ASB5: variants seen among roughly 807,000 people sequenced by gnomAD.
The protein encoded by ASB5 is ankyrin repeat and SOCS box containing 5.
A neutral mutation model predicts 42.1 loss-of-function variants in ASB5; 45 were observed. The observed-to-expected ratio is 1.07, with a 90% CI of 0.84 to 1.37. ASB5 has a LOEUF of 1.37. Ranked by LOEUF, ASB5 falls within the 40% of genes most tolerant of loss-of-function variation. The probability of loss-of-function intolerance (pLI) is 0.00; values close to 1 mark genes in which losing one functional copy is unlikely to be tolerated. For missense variants in ASB5, 402 were observed against 399.8 expected, an observed-to-expected ratio of 1.01 and a Z score of -0.05; for synonymous variants, 147 against 150.6, an observed-to-expected ratio of 0.98 and a Z score of 0.18.
At chr4:176,224,171 T>C (rs192773837) in intron 2 of ASB5, among the ~76,000 whole-genome samples, 1 of 151,510 alleles carries the variant, frequency 6.6e-6, no homozygotes, top group East Asian at 1.9e-4. Context: ...TCTTTCTCCT[T>C]GAGACTGGGA....
At chr4:176,250,617 G>A (rs1403822000) in intron 1 of ASB5, among the ~76,000 whole-genome samples, 1 of 152,178 alleles carries the variant, frequency 6.6e-6, no homozygotes, top group Non-Finnish European at 1.5e-5. Context: ...AGAGAGGGGA[G>A]GTGGCATTCT....
rs77846639 is a variant in ASB5 at position 176,247,619 on chromosome 4, C to T, written c.196+21294G>A. On this transcript the variant is annotated intron_variant, in intron 1 of 6. Coordinates refer to ENST00000296525, the MANE Select transcript of ASB5 (RefSeq NM_080874.4). ...CAATACATGGTGTGAATATAATTGA[C>T]CATGCATTTGGTGAAAAATGGACTT... Among the ~76,000 whole-genome samples the T allele has an allele frequency of 1.1e-4, 16 of 152,214 alleles. No individual in the cohort carries two copies. In the East Asian group the frequency reaches 2.7e-3, roughly 26 times the overall value.
intron 1 of ASB5, chr4:176,249,689 A>G (rs1186698503): frequency 6.6e-6 from 1 of 152,160 alleles, no homozygotes; most frequent in East Asian, 1.9e-4. Flanking sequence ...ATGAGAAAAC[A>G]TGGAGTTAGA....
chr4:176,237,007 C>T (rs1355982317), intron 1 of ASB5, among the ~76,000 whole-genome samples: 3 of 152,154 alleles, frequency 2.0e-5, no homozygotes, highest in African/African-American at 7.2e-5. Context: ...AGCATCTTTC[C>T]TTGTTTCCAT....
chr4:176,237,332 G>A, intron 1 of ASB5: 1 of 985,882 alleles, frequency 1.0e-6, no homozygotes, highest in Non-Finnish European at 1.2e-6. Flanking sequence ...TTTTCGTTTA[G>A]AAGAACATTC....
At chr4:176,236,379 C>T (rs865811787) in intron 1 of ASB5, among the ~76,000 whole-genome samples, 17 of 152,148 alleles carry the variant, frequency 1.1e-4, no homozygotes, top group African/African-American at 3.9e-4. Flanking sequence ...GTCTAGCACG[C>T]AGTCAACACT....
intron 1 of ASB5, among the ~76,000 whole-genome samples, chr4:176,261,877 T>A (rs774700867): frequency 6.6e-6 from 1 of 151,786 alleles, no homozygotes; most frequent in Non-Finnish European, 1.5e-5. Flanking sequence ...TACATATATA[T>A]AATACAGAAA....
At chr4:176,222,085 T>TAA (rs1386853939) in intron 3 of ASB5, among the ~76,000 whole-genome samples, 2 of 152,168 alleles carry the variant, frequency 1.3e-5, no homozygotes, top group Non-Finnish European at 1.5e-5. Context: ...AAGCAGGAAA[T>TAA]AACCTACAGA....
upstream of ASB5, among the ~76,000 whole-genome samples, chr4:176,270,230 T>A (rs542217192): frequency 6.6e-6 from 1 of 152,204 alleles, no homozygotes; most frequent in Admixed American, 6.5e-5. Flanking sequence ...ATGACTGGGT[T>A]TGGGGCCTGT....
Position 176,226,847 on chromosome 4 carries a change from T to C in ASB5, c.197-1506A>G, listed in dbSNP as rs1398733278. On this transcript the variant is annotated intron_variant, in intron 1 of 6. Coordinates refer to ENST00000296525, the MANE Select transcript of ASB5 (RefSeq NM_080874.4). ...GCTCTGCGGTGTAGGGGCTGCAACA[T>C]GTTGCCATGGAGGGCAAGTAGCTGA... Among the ~76,000 whole-genome samples, 4 of 152,180 alleles carry C rather than the reference T, an allele frequency of 2.6e-5. 1 individual carries two copies. Among genetic ancestry groups the C allele is most frequent in the Non-Finnish European group, 5.9e-5 (4 of 68,040 alleles).
At chr4:176,249,125 C>G (rs1042473997) in intron 1 of ASB5, among the ~76,000 whole-genome samples, 1 of 152,124 alleles carries the variant, frequency 6.6e-6, no homozygotes, top group African/African-American at 2.4e-5. Context: ...GGCCACCACA[C>G]CCGACTAATT....
intron 1 of ASB5, among the ~76,000 whole-genome samples, chr4:176,250,075 A>G (rs1447724662): frequency 3.3e-5 from 5 of 151,912 alleles, no homozygotes; most frequent in Non-Finnish European, 7.4e-5. Context: ...AAAAAAAAAA[A>G]AAAAAAGAAA....
intron 2 of ASB5, among the ~76,000 whole-genome samples, chr4:176,224,673 AG>A (rs1286748152): frequency 6.6e-6 from 1 of 151,344 alleles, no homozygotes; most frequent in Admixed American, 6.6e-5. Context: ...GTGCCAGCCT[AG>A]CTGTGCATTT....
chr4:176,265,627 C>T (rs1754342366), intron 1 of ASB5, among the ~76,000 whole-genome samples: 1 of 152,182 alleles, frequency 6.6e-6, no homozygotes, highest in Non-Finnish European at 1.5e-5. Context: ...AAGAGAAGAG[C>T]TGCCTCTTGA....
upstream of ASB5, among the ~76,000 whole-genome samples, chr4:176,272,941 C>CT (rs60310080): frequency 0.21 from 23,065 of 110,878 alleles, 2,792 homozygotes; most frequent in East Asian, 0.24. Context: ...CTTCGATGAC[C>CT]TTTTTTTTTT....
intron 1 of ASB5, among the ~76,000 whole-genome samples, chr4:176,232,402 T>A (rs1285199539): frequency 6.6e-6 from 1 of 152,078 alleles, no homozygotes; most frequent in Non-Finnish European, 1.5e-5. Flanking sequence ...GGAATAGATG[T>A]GAGCCACCGA....
chr4:176,237,290 T>C (rs1444848902), intron 1 of ASB5: 1 of 985,744 alleles, frequency 1.0e-6, no homozygotes, highest in Non-Finnish European at 1.2e-6. Flanking sequence ...GCTGCTATAC[T>C]AACCTTGACT....
intron 5 of ASB5, among the ~76,000 whole-genome samples, 171 bp downstream of exon 5, chr4:176,220,984 T>C (rs1753187560): frequency 6.6e-6 from 1 of 152,212 alleles, no homozygotes; most frequent in South Asian, 2.1e-4. Flanking sequence ...TCTTTTTTAT[T>C]GCTTATCAAG....
intron 1 of ASB5, among the ~76,000 whole-genome samples, chr4:176,233,983 C>G (rs924212870): frequency 6.6e-6 from 1 of 152,122 alleles, no homozygotes; most frequent in Admixed American, 6.5e-5. Flanking sequence ...TCACACCCAC[C>G]AGGCGCACAC....
Sources: allele counts gnomAD v4.1 joint callset (sites outside exome capture counted in the v4.1 genomes callset), GRCh38; gene constraint gnomAD v4.1.1; transcripts MANE v1.5; gene names NCBI Gene and HGNC (gene_info 2026-07-23, HGNC 2026-07-21).